ADAMTSL1: variants seen among roughly 807,000 people sequenced by gnomAD.
The protein encoded by ADAMTSL1 is ADAMTS like 1.
Under a neutral mutation model 201.8 loss-of-function variants are expected in ADAMTSL1, and 126 were observed. The ratio of observed to expected loss-of-function variants is 0.62; its 90% CI spans 0.54 to 0.72. The LOEUF is 0.72. ADAMTSL1 is among the 30% of genes least tolerant of loss of function. The pLI, the probability that ADAMTSL1 is intolerant of heterozygous loss-of-function variation, is 0.00. For synonymous variants in ADAMTSL1, 1,121 were observed against 903.4 expected (o/e 1.24, Z -4.32); for missense variants, 2,679 against 2,277.8 (o/e 1.18, Z -3.59).
intron 4 of ADAMTSL1, among the ~76,000 whole-genome samples, chr9:18,597,444 C>A (rs1314984524): frequency 1.3e-5 from 2 of 152,064 alleles, no homozygotes; most frequent in Non-Finnish European, 2.9e-5. Context: ...GTTGTTGACC[C>A]TAAAATACTA....
At chr9:18,269,649 A>G (rs73426975) in intron 2 of ADAMTSL1, among the ~76,000 whole-genome samples, 167 of 152,276 alleles carry the variant, frequency 1.1e-3, no homozygotes, top group African/African-American at 3.8e-3. Flanking sequence ...CTTTCATTTT[A>G]TAACTGATCT....
intron 9 of ADAMTSL1, among the ~76,000 whole-genome samples, chr9:18,674,485 C>T (rs1453280000): frequency 6.6e-6 from 1 of 152,002 alleles, no homozygotes; most frequent in Non-Finnish European, 1.5e-5. Context: ...CTCCTTCTTA[C>T]CTTTCATCAT....
chr9:18,386,304 G>A (rs555542976), intron 2 of ADAMTSL1, among the ~76,000 whole-genome samples: 26 of 152,186 alleles, frequency 1.7e-4, no homozygotes, highest in Admixed American at 1.4e-3. Flanking sequence ...TTGAACCTTC[G>A]ATTTGATATG....
At chr9:18,019,902 C>T (rs73643495) in intron 1 of ADAMTSL1, among the ~76,000 whole-genome samples, 5,732 of 152,170 alleles carry the variant, frequency 0.038, 229 homozygotes, top group African/African-American at 0.11. Context: ...CCTTGAGAAT[C>T]TAACCAGGGT....
At chr9:18,878,888 G>T (rs1277385251) in intron 23 of ADAMTSL1, among the ~76,000 whole-genome samples, 1 of 152,208 alleles carries the variant, frequency 6.6e-6, no homozygotes, top group African/African-American at 2.4e-5. Context: ...TCAGAGCTCT[G>T]CAGGGAGTGG....
At chr9:18,064,426 A>T (rs1455274447) in intron 1 of ADAMTSL1, among the ~76,000 whole-genome samples, 1 of 152,142 alleles carries the variant, frequency 6.6e-6, no homozygotes, top group South Asian at 2.1e-4. Flanking sequence ...TGCTATTTAC[A>T]ATTTAGGAGT....
intron 1 of ADAMTSL1, among the ~76,000 whole-genome samples, chr9:18,118,359 A>G (rs1825348908): frequency 6.6e-6 from 1 of 152,222 alleles, no homozygotes; most frequent in Non-Finnish European, 1.5e-5. Flanking sequence ...ATGCTGAGCA[A>G]TAAACAGTCC....
chr9:18,604,939 C>A (rs569947855), intron 4 of ADAMTSL1, among the ~76,000 whole-genome samples: 1 of 152,298 alleles, frequency 6.6e-6, no homozygotes, highest in South Asian at 2.1e-4. Flanking sequence ...GCTGCTGCAA[C>A]TTTTGAGTCT....
chr9:18,476,146 G>T (rs939101253), intron 1 of ADAMTSL1, among the ~76,000 whole-genome samples: 7 of 152,152 alleles, frequency 4.6e-5, no homozygotes, highest in Non-Finnish European at 1.0e-4. Flanking sequence ...AGGAAGAACT[G>T]ACTGATGTTT....
chr9:18,178,214 G>A (rs1587237949), intron 2 of ADAMTSL1, among the ~76,000 whole-genome samples: 1 of 152,342 alleles, frequency 6.6e-6, no homozygotes, highest in African/African-American at 2.4e-5. Context: ...CCTCACTTGG[G>A]AAGCACAAGG....
intron 3 of ADAMTSL1, among the ~76,000 whole-genome samples, chr9:18,561,347 T>G (rs1587567763): frequency 6.6e-6 from 1 of 152,282 alleles, no homozygotes; most frequent in South Asian, 2.1e-4. Context: ...CAGTTTTGAG[T>G]GAGTTTCTTA....
intron 2 of ADAMTSL1, among the ~76,000 whole-genome samples, chr9:18,215,708 T>G (rs1830033312): frequency 6.6e-6 from 1 of 152,194 alleles, no homozygotes; most frequent in African/African-American, 2.4e-5. Flanking sequence ...TGAGGGCCCC[T>G]GTGTGTTCTG....
intron 15 of ADAMTSL1, among the ~76,000 whole-genome samples, chr9:18,724,841 G>T (rs924678138): frequency 6.6e-6 from 1 of 152,036 alleles, no homozygotes; most frequent in Non-Finnish European, 1.5e-5. Flanking sequence ...TCCAGATGCT[G>T]TTGATCCTTT....
intron 2 of ADAMTSL1, among the ~76,000 whole-genome samples, chr9:18,428,696 A>G (rs1819345678): frequency 1.3e-5 from 2 of 152,242 alleles, no homozygotes; most frequent in African/African-American, 2.4e-5. Flanking sequence ...TGTGCTACAT[A>G]TAAAAATGAG....
chr9:18,591,455 T>C (rs1465930869), intron 4 of ADAMTSL1, among the ~76,000 whole-genome samples: 2 of 152,184 alleles, frequency 1.3e-5, no homozygotes, highest in Non-Finnish European at 2.9e-5. Flanking sequence ...TTGGGCCTTA[T>C]TATTTATTCC....
chr9:18,570,632 G>C (rs1822236509), intron 3 of ADAMTSL1, among the ~76,000 whole-genome samples: 1 of 152,174 alleles, frequency 6.6e-6, no homozygotes, highest in South Asian at 2.1e-4. Flanking sequence ...TTCTGAACCT[G>C]TTTTATAAGT....
intron 2 of ADAMTSL1, among the ~76,000 whole-genome samples, chr9:18,460,107 A>G (rs556281418): frequency 1.3e-5 from 2 of 152,336 alleles, no homozygotes; most frequent in South Asian, 4.1e-4. Context: ...CTCTCATTGC[A>G]GAAGTGCATT....
In ADAMTSL1 at chr9:18,312,900, C is replaced by T. The variant is rs188206980; in HGVS notation, c.207+148919C>T. Among the ~76,000 whole-genome samples the T allele has an allele frequency of 2.8e-3, 423 of 152,274 alleles. 1 individual carries two copies. Among genetic ancestry groups the T allele is most frequent in the African/African-American group, 9.1e-3 (380 of 41,554 alleles). On this transcript the variant is annotated intron_variant, in intron 2 of 29. Transcript: ENST00000680146. ...GCTGCTTCTGGCCACCAGCCAGTAA[C>T]GCATGCACTTCTGTTCTTTAGAGTA...
intron 23 of ADAMTSL1, among the ~76,000 whole-genome samples, chr9:18,853,108 A>G (rs970590933): frequency 5.3e-5 from 8 of 152,182 alleles, no homozygotes; most frequent in South Asian, 2.1e-4. Context: ...ATAAAATGCA[A>G]TGACCTCATG....
Sources: allele counts gnomAD v4.1 joint callset (sites outside exome capture counted in the v4.1 genomes callset), GRCh38; gene constraint gnomAD v4.1.1; transcripts MANE v1.5; gene names NCBI Gene and HGNC (gene_info 2026-07-23, HGNC 2026-07-21).